The following ZCCHC7 variants were observed in gnomAD, a reference collection of about 807,000 sequenced individuals.
ZCCHC7 encodes the protein zinc finger CCHC domain-containing protein 7.
A neutral mutation model predicts 52.0 loss-of-function variants in ZCCHC7; 35 were observed. The observed-to-expected ratio is 0.67, with a 90% confidence interval of 0.51 to 0.89. ZCCHC7 has a LOEUF of 0.89. Ranked by LOEUF, ZCCHC7 falls within the 40% of genes least tolerant of loss-of-function variation. The probability of loss-of-function intolerance (pLI) is 0.00; values close to 1 mark genes in which losing one functional copy is unlikely to be tolerated. For synonymous variants in ZCCHC7, 217 were observed against 221.5 expected, an observed-to-expected ratio of 0.98 and a Z score of 0.18; for missense variants, 574 against 649.1, an observed-to-expected ratio of 0.88 and a Z score of 1.26.
chr9:37,327,708 G>A lies in ZCCHC7; in HGVS notation c.952-91G>A, dbSNP rs909572518. ...TTAAGCTTCTTATTTTCCTGTGACC[G>A]ACACCGGTGGATGCTGGGTTATGCC... is the stretch of plus-strand genomic sequence containing the variant. On this transcript the variant is annotated intron_variant, in intron 5 of 8. Coordinates refer to ENST00000336755, the MANE Select transcript of ZCCHC7 (RefSeq NM_032226.3). 1.0e-5 allele frequency: 14 copies of A among 1,381,364 alleles called. No individual in the cohort carries two copies. In the African/African-American group the frequency reaches 1.3e-4, roughly 13 times the overall value. 85.6% of individuals were successfully genotyped at this position (1,381,364 alleles called of 1,614,324 possible). A position where few individuals can be genotyped will look rare whatever the true frequency, so the allele number is the denominator to read the frequency against.
At chr9:37,293,088 A>C (rs926617622) in intron 2 of ZCCHC7, among the ~76,000 whole-genome samples, 1 of 152,218 alleles carries the variant, frequency 6.6e-6, no homozygotes, top group African/African-American at 2.4e-5. Flanking sequence ...GCCCATTTCA[A>C]GTGGAGTTGG....
intron 2 of ZCCHC7, among the ~76,000 whole-genome samples, chr9:37,218,425 C>T (rs1824628247): frequency 6.6e-6 from 1 of 152,188 alleles, no homozygotes; most frequent in South Asian, 2.1e-4. Context: ...AATTTTAGCA[C>T]TGGCTCAAGT....
intron 2 of ZCCHC7, among the ~76,000 whole-genome samples, chr9:37,236,158 A>G (rs1010290628): frequency 2.0e-5 from 3 of 152,150 alleles, no homozygotes; most frequent in Non-Finnish European, 4.4e-5. Context: ...ACTAATTTAC[A>G]TTCTCATCAG....
rs536651742 is a variant in ZCCHC7 at position 37,268,675 on chromosome 9, C to G, written c.611-33513C>G. On this transcript the variant is annotated intron_variant, in intron 2 of 8. Coordinates refer to ENST00000336755, the MANE Select transcript of ZCCHC7 (RefSeq NM_032226.3). ...TCTCCTGAACTTGTGATCCGCCCAC[C>G]TCGGCCTCCCAAAGTGCTGGGATTA... 1.6e-3 allele frequency among the ~76,000 whole-genome samples: 246 copies of G among 152,270 alleles called. 1 individual carries two copies. Among genetic ancestry groups the G allele is most frequent in the African/African-American group, 5.7e-3 (236 of 41,554 alleles).
Position 37,354,616 on chromosome 9 carries a change from G to A in ZCCHC7, c.1084-94G>A, listed in dbSNP as rs1821584405. 4.8e-6 allele frequency: 4 copies of A among 839,644 alleles called. No individual in the cohort carries two copies. In the Admixed American group the frequency reaches 6.9e-5, roughly 14 times the overall value. The allele number at this position is 839,644 out of a possible 1,614,324, so 52.0% of individuals were successfully genotyped here. Reference sequence around the variant, plus strand: ...CACCACATGAGGTACCAGTGACATGGGGCTCATTTCTAATTAACATGCTCC... The same window carrying A: ...CACCACATGAGGTACCAGTGACATGAGGCTCATTTCTAATTAACATGCTCC... On this transcript the variant is annotated intron_variant, in intron 7 of 8. Transcript: ENST00000336755. This position sits in a 1 kb window ranked among gnomAD's most constrained non-coding sequence, Gnocchi z 4.0.
chr9:37,199,196 C>G (rs997838312), intron 2 of ZCCHC7, among the ~76,000 whole-genome samples: 2 of 152,092 alleles, frequency 1.3e-5, no homozygotes, highest in African/African-American at 2.4e-5. Flanking sequence ...TTTAAAAGAA[C>G]AAACAGCAAA....
intron 6 of ZCCHC7, among the ~76,000 whole-genome samples, chr9:37,339,766 G>A (rs1299512095): frequency 6.6e-6 from 1 of 152,192 alleles, no homozygotes; most frequent in African/African-American, 2.4e-5. Context: ...AAGCATATGT[G>A]TGATTATAAA....
chr9:37,301,625 A>G (rs879692748), intron 2 of ZCCHC7, among the ~76,000 whole-genome samples: 5 of 152,146 alleles, frequency 3.3e-5, no homozygotes, highest in Non-Finnish European at 5.9e-5. Flanking sequence ...GTAAGGGGCT[A>G]TATACCAACT....
At chr9:37,257,469 T>C (rs1380933310) in intron 2 of ZCCHC7, among the ~76,000 whole-genome samples, 1 of 152,194 alleles carries the variant, frequency 6.6e-6, no homozygotes, top group Non-Finnish European at 1.5e-5. Flanking sequence ...GAGCCAGATA[T>C]GACAACTCAA....
At chr9:37,288,972 A>G (rs191516750) in intron 2 of ZCCHC7, among the ~76,000 whole-genome samples, 2 of 152,282 alleles carry the variant, frequency 1.3e-5, no homozygotes, top group South Asian at 2.1e-4. Context: ...CCAGTATCCA[A>G]TGGCATACTC....
intron 2 of ZCCHC7, among the ~76,000 whole-genome samples, chr9:37,280,309 A>T (rs992269713): frequency 2.0e-5 from 3 of 152,230 alleles, no homozygotes; most frequent in African/African-American, 7.2e-5. Flanking sequence ...TGTCTCAATA[A>T]TTGACAGAAG....
At chr9:37,146,186 A>G (rs1038820975) in intron 2 of ZCCHC7, among the ~76,000 whole-genome samples, 6 of 151,772 alleles carry the variant, frequency 4.0e-5, no homozygotes, top group Admixed American at 6.6e-5. Flanking sequence ...TTACTGCTGT[A>G]GTTTTTTGGT....
chr9:37,349,541 T>C, intron 7 of ZCCHC7, 89 bp downstream of exon 7: 11 of 1,245,998 alleles, frequency 8.8e-6, no homozygotes, highest in Non-Finnish European at 1.3e-5. Flanking sequence ...TAACTCTAAA[T>C]ACTTACTTTT....
chr9:37,164,022 A>G (rs754916367), intron 2 of ZCCHC7, among the ~76,000 whole-genome samples: 3 of 151,670 alleles, frequency 2.0e-5, no homozygotes, highest in Non-Finnish European at 4.4e-5. Context: ...TGCCTATACT[A>G]TACTCTGTTG....
intron 3 of ZCCHC7, among the ~76,000 whole-genome samples, chr9:37,303,118 T>C (rs1458436039): frequency 6.6e-6 from 1 of 152,036 alleles, no homozygotes; most frequent in Non-Finnish European, 1.5e-5. Flanking sequence ...TGGTGTACAT[T>C]CAGTTATAGA....
chr9:37,132,186 G>T (rs999769549), intron 2 of ZCCHC7, among the ~76,000 whole-genome samples: 1 of 152,064 alleles, frequency 6.6e-6, no homozygotes, highest in Non-Finnish European at 1.5e-5. Context: ...AAGGAAGTCA[G>T]CATATTTAGT....
intron 2 of ZCCHC7, among the ~76,000 whole-genome samples, chr9:37,213,405 T>G (rs1441155662): frequency 6.6e-6 from 1 of 152,224 alleles, no homozygotes; most frequent in Non-Finnish European, 1.5e-5. Context: ...GGTAAATATG[T>G]TATTTTAAGA....
At chr9:37,334,295 G>T (rs1040923988) in intron 6 of ZCCHC7, among the ~76,000 whole-genome samples, 4 of 151,856 alleles carry the variant, frequency 2.6e-5, no homozygotes, top group African/African-American at 9.7e-5. Context: ...ATTGATATTT[G>T]TATTAGACAT....
intron 2 of ZCCHC7, among the ~76,000 whole-genome samples, chr9:37,213,045 C>T (rs1824324039): frequency 6.6e-6 from 1 of 152,190 alleles, no homozygotes; most frequent in Non-Finnish European, 1.5e-5. Flanking sequence ...AGATATTCAA[C>T]TGTTTTCTGT....
Sources: gnomAD v4.1 joint callset for allele counts (sites outside exome capture counted in the v4.1 genomes callset) on GRCh38, gnomAD v4.1.1 for gene constraint, Gnocchi (gnomAD v3.1) non-coding constraint, MANE v1.5 for transcripts, NCBI Gene and HGNC (gene_info 2026-07-23, HGNC 2026-07-21) for gene names.